DLG2: variants seen among roughly 807,000 people sequenced by gnomAD.
The protein encoded by DLG2 is disks large homolog 2.
DLG2 carries 45 observed loss-of-function variants against 132.5 expected under a neutral mutation model. The ratio of observed to expected loss-of-function variants is 0.34; its 90% CI spans 0.27 to 0.44. The LOEUF is 0.44. Ranked by LOEUF, DLG2 falls within the 20% of genes least tolerant of loss-of-function variation. The pLI is 1.00. For missense variants in DLG2, 1,045 were observed against 1,196.9 expected, an observed-to-expected ratio of 0.87 and a Z score of 1.87; for synonymous variants, 424 against 419.6, an observed-to-expected ratio of 1.01 and a Z score of -0.13.
intron 18 of DLG2, among the ~76,000 whole-genome samples, chr11:83,655,400 A>T (rs979795739): frequency 6.6e-6 from 1 of 152,208 alleles, no homozygotes; most frequent in East Asian, 1.9e-4. Context: ...TACTGGCTTC[A>T]CTGTAATATT....
At chr11:84,113,006 T>C (rs183547639) in intron 9 of DLG2, among the ~76,000 whole-genome samples, 53 of 152,292 alleles carry the variant, frequency 3.5e-4, no homozygotes, top group Non-Finnish European at 6.3e-4. Flanking sequence ...AATAATAATA[T>C]GTTATTTGTC....
At chr11:84,169,882 A>T (rs2095778797) in intron 8 of DLG2, among the ~76,000 whole-genome samples, 1 of 152,100 alleles carries the variant, frequency 6.6e-6, no homozygotes, top group African/African-American at 2.4e-5. Context: ...CAAAAAAAAA[A>T]AAAAAATCTC....
At chr11:84,878,554 C>T (rs560312284) in intron 6 of DLG2, among the ~76,000 whole-genome samples, 6 of 151,906 alleles carry the variant, frequency 3.9e-5, no homozygotes, top group African/African-American at 9.7e-5. Context: ...TGGGTCCTGT[C>T]GGTGGGTGGG....
At chr11:84,410,556 T>A (rs1176958345) in intron 7 of DLG2, among the ~76,000 whole-genome samples, 1 of 151,856 alleles carries the variant, frequency 6.6e-6, no homozygotes, top group Non-Finnish European at 1.5e-5. Flanking sequence ...AACAATCATT[T>A]TTTAAAAACC....
rs145780804 is a variant in DLG2, at chr11:84,504,845, T to G, written c.519+29725A>C. Among the ~76,000 whole-genome samples the G allele has an allele frequency of 1.6e-3, 249 of 152,252 alleles. 2 individuals carry two copies. Among genetic ancestry groups the G allele is most frequent in the African/African-American group, 5.6e-3 (234 of 41,552 alleles). On this transcript the variant is annotated intron_variant, in intron 7 of 27. Transcript: ENST00000376104. ...CAACATCTATAATTGACTCTAAAAC[T>G]TGATGGCTCTTTGACTGAATCATCT...
intron 17 of DLG2, among the ~76,000 whole-genome samples, chr11:83,817,396 T>A (rs967694034): frequency 1.3e-5 from 2 of 152,092 alleles, no homozygotes; most frequent in African/African-American, 4.8e-5. Flanking sequence ...GGATACAATG[T>A]CAGATATAGT....
chr11:84,985,139 T>G (rs1025977930), intron 6 of DLG2, among the ~76,000 whole-genome samples: 1 of 152,128 alleles, frequency 6.6e-6, no homozygotes, highest in African/African-American at 2.4e-5. Flanking sequence ...CTTAACATAT[T>G]TACAGAACAT....
rs374516088 is a variant in DLG2, at chr11:84,563,478, A to G, written c.358-28747T>C. Among the ~76,000 whole-genome samples the G allele has an allele frequency of 9.9e-4, 151 of 152,282 alleles. 2 individuals carry two copies. The South Asian group carries it at 0.029, about 30-fold the overall frequency. ...ACAATCCCCAGGGCTGGAAGGAATC[A>G]TGCTTTTTTTCAGAACCTGGCATTT... On this transcript the variant is annotated intron_variant, in intron 6 of 27. Transcript: ENST00000376104.
intron 3 of DLG2, among the ~76,000 whole-genome samples, chr11:85,464,005 T>C (rs5015905): frequency 0.054 from 1,163 of 21,736 alleles, 10 homozygotes; most frequent in Middle Eastern, 0.14. Flanking sequence ...CACACACACA[T>C]ACACACACAC....
intron 18 of DLG2, among the ~76,000 whole-genome samples, chr11:83,701,876 A>T (rs2083011798): frequency 6.6e-6 from 1 of 152,254 alleles, no homozygotes; most frequent in African/African-American, 2.4e-5. Context: ...GCCACATCAC[A>T]TAATGCTGAG....
At chr11:84,672,160 T>C (rs981946798) in intron 6 of DLG2, among the ~76,000 whole-genome samples, 2 of 152,070 alleles carry the variant, frequency 1.3e-5, no homozygotes, top group Non-Finnish European at 2.9e-5. Context: ...TAACTAATAG[T>C]GTAAAAAATG....
rs190594493 is a variant in DLG2, at chr11:84,593,784, C to T, written c.358-59053G>A. ...CAGGTTCTGCACATGTATCCCAGAA[C>T]TTAAAGTATTATAATTTAAAAAAAG... is the stretch of plus-strand genomic sequence containing the variant. On this transcript the variant is annotated intron_variant, in intron 6 of 27. Transcript: ENST00000376104. Among the ~76,000 whole-genome samples, 7 of 152,092 alleles carry T rather than the reference C, an allele frequency of 4.6e-5. No homozygotes were observed. In the East Asian group the frequency reaches 1.4e-3, roughly 29 times the overall value.
chr11:84,174,782 C>T (rs916765090), intron 8 of DLG2, among the ~76,000 whole-genome samples: 1 of 152,076 alleles, frequency 6.6e-6, no homozygotes, highest in Non-Finnish European at 1.5e-5. Context: ...AAATCATAAC[C>T]CTGTTATCTC....
chr11:84,591,311 CTTGT>C (rs1317139401), intron 6 of DLG2, among the ~76,000 whole-genome samples: 53 of 145,024 alleles, frequency 3.7e-4, no homozygotes, highest in African/African-American at 1.2e-3. Context: ...AAGACCATGC[CTTGT>C]TTTTTTTTTT....
chr11:84,150,033 G>A (rs1246042048), intron 9 of DLG2, among the ~76,000 whole-genome samples: 1 of 152,142 alleles, frequency 6.6e-6, no homozygotes, highest in Admixed American at 6.5e-5. Context: ...TGGGGTTACA[G>A]GTGTGAGCCA....
chr11:84,293,297 C>G (rs1041812607), intron 7 of DLG2, among the ~76,000 whole-genome samples: 6 of 152,048 alleles, frequency 3.9e-5, no homozygotes, highest in African/African-American at 1.2e-4. Context: ...GTCATTGATT[C>G]ATTTTTTATC....
At chr11:84,500,818 G>C (rs2099202041) in intron 7 of DLG2, among the ~76,000 whole-genome samples, 1 of 152,172 alleles carries the variant, frequency 6.6e-6, no homozygotes, top group Admixed American at 6.5e-5. Flanking sequence ...TTGAGATCAT[G>C]TCTCATGCTA....
At chr11:85,533,970 G>C (rs1050162026) in intron 3 of DLG2, among the ~76,000 whole-genome samples, 1 of 152,066 alleles carries the variant, frequency 6.6e-6, no homozygotes, top group African/African-American at 2.4e-5. Context: ...CTAAAATGTT[G>C]CTCTCTGGTT....
At chr11:84,072,354 G>A (rs2096770367) in intron 10 of DLG2, among the ~76,000 whole-genome samples, 1 of 152,214 alleles carries the variant, frequency 6.6e-6, no homozygotes, top group African/African-American at 2.4e-5. Context: ...CGGGTTGTCT[G>A]TTAAGTACCT....
Sources: gnomAD v4.1 joint callset for allele counts (sites outside exome capture counted in the v4.1 genomes callset) on GRCh38, gnomAD v4.1.1 for gene constraint, MANE v1.5 for transcripts, NCBI Gene and HGNC (gene_info 2026-07-23, HGNC 2026-07-21) for gene names.